The following PRKCA variants were observed in gnomAD, a reference collection of about 807,000 sequenced individuals.
The protein encoded by PRKCA is protein kinase C alpha, also known as protein kinase C alpha type.
A neutral mutation model predicts 87.0 loss-of-function variants in PRKCA; 27 were observed. The ratio of observed to expected loss-of-function variants is 0.31; its 90% confidence interval spans 0.23 to 0.43. PRKCA has a LOEUF of 0.43. PRKCA is among the 20% of genes least tolerant of loss of function. The pLI is 1.00. For missense variants in PRKCA, 518 were observed against 852.3 expected, an observed-to-expected ratio of 0.61 and a Z score of 4.88; for synonymous variants, 329 against 311.1, an observed-to-expected ratio of 1.06 and a Z score of -0.61.
At chr17:66,788,692 A>G in intron 15 of PRKCA, 147 bp from the exon 16 acceptor site, 2 of 906,316 alleles carry the variant, frequency 2.2e-6, no homozygotes, top group South Asian at 3.7e-5. Flanking sequence ...ACTTCGTACA[A>G]GCCACTGAGT....
At chr17:66,482,103 AAAAAAAAAAAAAAAG>A (rs1322117059) in intron 2 of PRKCA, among the ~76,000 whole-genome samples, 4 of 150,422 alleles carry the variant, frequency 2.7e-5, no homozygotes, top group East Asian at 3.9e-4. Flanking sequence ...TGTCTCAAAA[AAAAAAAAAAAAAAAG>A]AAAAAAAGAA....
intron 3 of PRKCA, among the ~76,000 whole-genome samples, chr17:66,517,854 A>G (rs1001950396): frequency 3.3e-5 from 5 of 152,188 alleles, no homozygotes; most frequent in Admixed American, 6.5e-5. Flanking sequence ...TTATCAGTTT[A>G]CGCATGAAAA....
intron 3 of PRKCA, among the ~76,000 whole-genome samples, chr17:66,517,507 T>A (rs1967006956): frequency 6.6e-6 from 1 of 152,186 alleles, no homozygotes; most frequent in Admixed American, 6.5e-5. Context: ...CATCTCCCCG[T>A]CCCTGTCCTC....
At chr17:66,368,386 ATTTTT>A (rs1180540465) in intron 2 of PRKCA, among the ~76,000 whole-genome samples, 2 of 25,468 alleles carry the variant, frequency 7.9e-5, no homozygotes, top group African/African-American at 2.4e-4. Context: ...ATATATATAT[ATTTTT>A]TTTTTTTTTT....
At chr17:66,341,185 T>G (rs1165768827) in intron 2 of PRKCA, among the ~76,000 whole-genome samples, 1 of 152,162 alleles carries the variant, frequency 6.6e-6, no homozygotes, top group Non-Finnish European at 1.5e-5. Context: ...CTGCTAGCTT[T>G]CTACTATTTA....
intron 14 of PRKCA, among the ~76,000 whole-genome samples, chr17:66,776,402 C>G (rs991235789): frequency 1.3e-5 from 2 of 152,132 alleles, no homozygotes; most frequent in African/African-American, 4.8e-5. Context: ...CCTCCGCCTC[C>G]CAGGTTCAAG....
At chr17:66,707,025 T>C (rs1973209579) in intron 8 of PRKCA, among the ~76,000 whole-genome samples, 1 of 152,164 alleles carries the variant, frequency 6.6e-6, no homozygotes, top group Non-Finnish European at 1.5e-5. Context: ...CCAGACCTCC[T>C]GTGTGAGTTG....
At position 66,562,777 on chromosome 17, in the gene PRKCA, A is replaced by G. The variant is rs193117473; in HGVS notation, c.288+66494A>G. ...ACGCCCAGCTAATTTTTGTATTTTT[A>G]GTAGAGACAGGGTTTCACCATGTTG... On this transcript the variant is annotated intron_variant, in intron 3 of 16. Coordinates refer to ENST00000413366, the MANE Select transcript of PRKCA (RefSeq NM_002737.3). Among the ~76,000 whole-genome samples, 13 of 152,104 alleles carry G rather than the reference A, an allele frequency of 8.5e-5. No homozygotes were observed. In the East Asian group the frequency reaches 2.5e-3, roughly 29 times the overall value.
At chr17:66,311,534 T>C (rs1317711000) in intron 2 of PRKCA, among the ~76,000 whole-genome samples, 1 of 152,134 alleles carries the variant, frequency 6.6e-6, no homozygotes, top group Non-Finnish European at 1.5e-5. Flanking sequence ...GGAGGATCAC[T>C]TGAGCCTGGG....
intron 8 of PRKCA, among the ~76,000 whole-genome samples, chr17:66,719,880 C>G (rs1244435217): frequency 1.3e-5 from 2 of 152,194 alleles, no homozygotes; most frequent in Non-Finnish European, 2.9e-5. Flanking sequence ...CAACAAGAGG[C>G]AGCCTTGCTG....
At chr17:66,335,912 A>G (rs907995652) in intron 2 of PRKCA, among the ~76,000 whole-genome samples, 3 of 152,178 alleles carry the variant, frequency 2.0e-5, no homozygotes, top group Non-Finnish European at 4.4e-5. Flanking sequence ...CCATATCATC[A>G]CATTACCCTC....
intron 3 of PRKCA, among the ~76,000 whole-genome samples, chr17:66,552,039 C>T (rs779461936): frequency 2.0e-4 from 31 of 152,046 alleles, no homozygotes; most frequent in Non-Finnish European, 7.4e-5. Context: ...GACTCATGCC[C>T]GTAATCCCAG....
intron 2 of PRKCA, among the ~76,000 whole-genome samples, chr17:66,407,386 G>A (rs1911478166): frequency 6.6e-6 from 1 of 152,082 alleles, no homozygotes; most frequent in Admixed American, 6.5e-5. Context: ...TGACACTTGT[G>A]CCTGCAAGAA....
intron 2 of PRKCA, among the ~76,000 whole-genome samples, chr17:66,464,074 C>T (rs984666781): frequency 4.6e-5 from 7 of 152,180 alleles, no homozygotes; most frequent in Non-Finnish European, 1.0e-4. Flanking sequence ...ATTGATCCTT[C>T]TATTGTCTCC....
At chr17:66,606,614 G>A (rs1970215856) in intron 3 of PRKCA, among the ~76,000 whole-genome samples, 1 of 152,104 alleles carries the variant, frequency 6.6e-6, no homozygotes. Flanking sequence ...ATAAAGTACT[G>A]TAATATTTCT....
chr17:66,741,241 A>G (rs916671372), intron 11 of PRKCA, among the ~76,000 whole-genome samples: 1 of 152,186 alleles, frequency 6.6e-6, no homozygotes, highest in Non-Finnish European at 1.5e-5. Flanking sequence ...CACCCACTAT[A>G]CTTTGCCTTC....
chr17:66,328,982 A>G (rs1414943846), intron 2 of PRKCA, among the ~76,000 whole-genome samples: 1 of 152,216 alleles, frequency 6.6e-6, no homozygotes, highest in African/African-American at 2.4e-5. Flanking sequence ...AAGGGCTTTA[A>G]GCAAGGAGGT....
At chr17:66,774,383 A>G in intron 14 of PRKCA, 3 of 1,134,052 alleles carry the variant, frequency 2.6e-6, no homozygotes, top group South Asian at 2.3e-5. Context: ...CACTTTCAGA[A>G]GCCAAGGCAG....
intron 2 of PRKCA, among the ~76,000 whole-genome samples, chr17:66,351,424 C>T (rs529562153): frequency 2.0e-5 from 3 of 152,306 alleles, no homozygotes; most frequent in African/African-American, 7.2e-5. Context: ...ACTCTTTCCT[C>T]AGTTTGAAGA....
Sources: gnomAD v4.1 joint callset for allele counts (sites outside exome capture counted in the v4.1 genomes callset) on GRCh38, gnomAD v4.1.1 for gene constraint, MANE v1.5 for transcripts, NCBI Gene and HGNC (gene_info 2026-07-23, HGNC 2026-07-21) for gene names.